Variants in ROR1 observed in about 807,000 individuals in gnomAD.
ROR1 encodes the protein inactive tyrosine-protein kinase transmembrane receptor ROR1.
A neutral mutation model predicts 78.8 loss-of-function variants in ROR1; 19 were observed. The observed-to-expected ratio is 0.24, with a 90% CI of 0.17 to 0.35. The LOEUF (loss-of-function observed/expected upper bound fraction) is 0.35, where lower values mean the gene tolerates loss of function less well. Among genes scored for constraint, ROR1 ranks in the 10% least tolerant of loss-of-function variants. The pLI is 1.00. For synonymous variants in ROR1, 386 were observed against 433.6 expected, an observed-to-expected ratio of 0.89 and a Z score of 1.36; for missense variants, 917 against 1,177.8, an observed-to-expected ratio of 0.78 and a Z score of 3.24.
chr1:63,777,719 G>A (rs1008108948), intron 1 of ROR1, among the ~76,000 whole-genome samples: 1 of 152,144 alleles, frequency 6.6e-6, no homozygotes, highest in Admixed American at 6.6e-5. Flanking sequence ...TTGGCTGGTG[G>A]TTTGATGGTG....
intron 2 of ROR1, among the ~76,000 whole-genome samples, chr1:64,044,002 A>G (rs1279334785): frequency 2.0e-5 from 3 of 152,222 alleles, no homozygotes; most frequent in African/African-American, 7.2e-5. Flanking sequence ...CTAAAAGGAT[A>G]CTGGCATTTC....
intron 4 of ROR1, among the ~76,000 whole-genome samples, chr1:64,111,578 G>A (rs949103628): frequency 3.3e-5 from 5 of 152,326 alleles, no homozygotes; most frequent in Non-Finnish European, 4.4e-5. Flanking sequence ...AGCCAGTGAT[G>A]TTTGCTGCCT....
intron 1 of ROR1, among the ~76,000 whole-genome samples, chr1:63,858,536 T>TA (rs972998871): frequency 2.0e-5 from 3 of 152,216 alleles, no homozygotes; most frequent in African/African-American, 7.2e-5. Context: ...CCTACCACTT[T>TA]AAAAAATCTG....
chr1:64,065,516 A>G (rs1646949370), intron 4 of ROR1, among the ~76,000 whole-genome samples: 1 of 152,218 alleles, frequency 6.6e-6, no homozygotes, highest in African/African-American at 2.4e-5. Flanking sequence ...TCCCAGAGAT[A>G]TCAGATACAG....
At chr1:63,839,408 G>C (rs374792906) in intron 1 of ROR1, among the ~76,000 whole-genome samples, 6 of 149,220 alleles carry the variant, frequency 4.0e-5, no homozygotes, top group African/African-American at 1.5e-4. Flanking sequence ...ATCTAATTTG[G>C]CATCTATTTA....
chr1:63,922,410 A>G (rs1341736370), intron 1 of ROR1, among the ~76,000 whole-genome samples: 2 of 152,140 alleles, frequency 1.3e-5, no homozygotes, highest in South Asian at 2.1e-4. Flanking sequence ...TCTCCTTTTC[A>G]TAAGACTATA....
chr1:64,164,243 C>G (rs1650024308), intron 8 of ROR1, among the ~76,000 whole-genome samples: 1 of 152,140 alleles, frequency 6.6e-6, no homozygotes, highest in African/African-American at 2.4e-5. Flanking sequence ...TTATAAAATT[C>G]TTGCCACCAA....
intron 1 of ROR1, among the ~76,000 whole-genome samples, chr1:63,947,079 G>A (rs1645895631): frequency 6.6e-6 from 1 of 152,142 alleles, no homozygotes; most frequent in Admixed American, 6.5e-5. Flanking sequence ...TTCTCCAGGG[G>A]ATTCAGGGAG....
intron 2 of ROR1, among the ~76,000 whole-genome samples, chr1:64,024,278 C>T (rs559213317): frequency 6.6e-6 from 1 of 152,142 alleles, no homozygotes; most frequent in East Asian, 1.9e-4. Flanking sequence ...GTCAGGATTT[C>T]GAGACCAACC....
intron 1 of ROR1, among the ~76,000 whole-genome samples, chr1:63,983,521 G>C (rs1646227626): frequency 6.6e-6 from 1 of 152,166 alleles, no homozygotes; most frequent in Non-Finnish European, 1.5e-5. Flanking sequence ...GTGTTACTCA[G>C]CCCACTTAGG....
chr1:64,170,009 G>A (rs983426351), intron 8 of ROR1, among the ~76,000 whole-genome samples: 2 of 152,196 alleles, frequency 1.3e-5, no homozygotes, highest in African/African-American at 4.8e-5. Flanking sequence ...CTGCTTTCAT[G>A]GGCTGGCATT....
intron 4 of ROR1, among the ~76,000 whole-genome samples, chr1:64,089,088 A>G (rs1647175624): frequency 6.6e-6 from 1 of 152,160 alleles, no homozygotes; most frequent in Non-Finnish European, 1.5e-5. Context: ...CATTACTCCA[A>G]AGATGGTGAG....
chr1:64,003,868 C>T (rs1435109845), intron 1 of ROR1, among the ~76,000 whole-genome samples: 1 of 152,188 alleles, frequency 6.6e-6, no homozygotes, highest in Non-Finnish European at 1.5e-5. Flanking sequence ...TCTAAAGTAA[C>T]ACTGAAAACC....
chr1:63,960,006 C>A (rs7529175), intron 1 of ROR1, among the ~76,000 whole-genome samples: 3 of 152,186 alleles, frequency 2.0e-5, no homozygotes, highest in Non-Finnish European at 4.4e-5. Context: ...CATCACTATC[C>A]GCTTTTGATG....
chr1:63,794,255 T>C (rs1210039023), intron 1 of ROR1, among the ~76,000 whole-genome samples: 1 of 152,218 alleles, frequency 6.6e-6, no homozygotes, highest in African/African-American at 2.4e-5. Context: ...TAATCATATC[T>C]ACCTCATTAC....
chr1:64,035,253 C>CTCAAGTTTG (rs1314538871), intron 2 of ROR1, among the ~76,000 whole-genome samples: 2 of 152,150 alleles, frequency 1.3e-5, no homozygotes, highest in Non-Finnish European at 2.9e-5. Context: ...ACTGATTTTC[C>CTCAAGTTTG]TCAAGTTTGT....
chr1:64,157,807 A>G (rs1017460919), intron 7 of ROR1, among the ~76,000 whole-genome samples: 1 of 152,178 alleles, frequency 6.6e-6, no homozygotes, highest in Non-Finnish European at 1.5e-5. Context: ...CTAATTTTGT[A>G]TTCCCAGTAC....
At chr1:64,002,880 C>A (rs955540529) in intron 1 of ROR1, among the ~76,000 whole-genome samples, 2 of 152,128 alleles carry the variant, frequency 1.3e-5, no homozygotes, top group South Asian at 2.1e-4. Flanking sequence ...CCACAGGGGA[C>A]CTCTGGGGCT....
chr1:63,783,479 T>C (rs1644665810), intron 1 of ROR1, among the ~76,000 whole-genome samples: 1 of 152,116 alleles, frequency 6.6e-6, no homozygotes. Context: ...CTATTCTAAG[T>C]TCTTTAAGCG....
Sources: gnomAD v4.1 joint callset for allele counts (sites outside exome capture counted in the v4.1 genomes callset) on GRCh38, gnomAD v4.1.1 for gene constraint, MANE v1.5 for transcripts, NCBI Gene and HGNC (gene_info 2026-07-23, HGNC 2026-07-21) for gene names.